The following RPS6KC1 variants were observed in gnomAD, a reference collection of about 807,000 sequenced individuals.
RPS6KC1 encodes the protein inactive ribosomal protein S6 kinase delta-1.
Under a neutral mutation model 103.8 loss-of-function variants are expected in RPS6KC1, and 54 were observed. That is an observed-to-expected ratio of 0.52 (90% CI 0.42 to 0.65). The LOEUF (loss-of-function observed/expected upper bound fraction) is 0.65. Among genes scored for constraint, RPS6KC1 ranks in the 30% least tolerant of loss-of-function variants. The pLI, the probability that RPS6KC1 is intolerant of heterozygous loss-of-function variation, is 0.00. For synonymous variants in RPS6KC1, 439 were observed against 438.7 expected (o/e 1.00, Z -0.01); for missense variants, 1,151 against 1,253.8 (o/e 0.92, Z 1.24).
the RPS6KC1 span, among the ~76,000 whole-genome samples, chr1:213,384,299 T>TATAA: frequency 1.6e-3 from 247 of 151,488 alleles, 1 homozygote; most frequent in South Asian, 0.012. Context: ...TATATATATA[T>TATAA]AAATCTCAGC....
chr1:213,789,231 T>G, the RPS6KC1 span, among the ~76,000 whole-genome samples: 1 of 152,230 alleles, frequency 6.6e-6, no homozygotes, highest in Non-Finnish European at 1.5e-5. Flanking sequence ...CTTTCTTCTC[T>G]TCTAGACAGT....
the RPS6KC1 span, among the ~76,000 whole-genome samples, chr1:213,378,162 C>G: frequency 6.6e-6 from 1 of 152,224 alleles, no homozygotes; most frequent in African/African-American, 2.4e-5. Flanking sequence ...ACCAGACAAC[C>G]ACAACTGTGA....
At chr1:213,702,154 T>A in the RPS6KC1 span, among the ~76,000 whole-genome samples, 574 of 152,102 alleles carry the variant, frequency 3.8e-3, 2 homozygotes, top group South Asian at 0.016. Flanking sequence ...AATTTTCTTT[T>A]TAATTTTTTT....
chr1:213,115,469 T>G (rs1452115606), intron 4 of RPS6KC1, among the ~76,000 whole-genome samples: 1 of 151,980 alleles, frequency 6.6e-6, no homozygotes, highest in East Asian at 1.9e-4. Context: ...TCTTGCTAGC[T>G]GTCTATCAGT....
chr1:213,847,505 TGTCAAATATC>T, the RPS6KC1 span, among the ~76,000 whole-genome samples: 1 of 152,174 alleles, frequency 6.6e-6, no homozygotes, highest in Non-Finnish European at 1.5e-5. Context: ...TGAAAGTCCT[TGTCAAATATC>T]TGTGAGGTCT....
chr1:213,504,266 TAG>T, the RPS6KC1 span, among the ~76,000 whole-genome samples: 494 of 152,080 alleles, frequency 3.2e-3, no homozygotes, highest in African/African-American at 0.011. Flanking sequence ...CTTTCTCAAA[TAG>T]AGTTTTGTTT....
the RPS6KC1 span, among the ~76,000 whole-genome samples, chr1:213,525,753 A>G: frequency 1.6e-3 from 244 of 152,314 alleles, 1 homozygote; most frequent in Non-Finnish European, 2.4e-3. Context: ...TGGCAAATAC[A>G]GGGCTGATGT....
At chr1:213,132,737 A>G (rs1394367038) in intron 6 of RPS6KC1, among the ~76,000 whole-genome samples, 7 of 152,178 alleles carry the variant, frequency 4.6e-5, no homozygotes, top group Non-Finnish European at 7.4e-5. Context: ...TGTTCTTGTG[A>G]CCTTTATTGG....
the RPS6KC1 span, among the ~76,000 whole-genome samples, chr1:213,336,169 C>T: frequency 2.6e-5 from 4 of 152,226 alleles, no homozygotes; most frequent in South Asian, 2.1e-4. Context: ...CTTCTAATAA[C>T]GAAATTCAAT....
the RPS6KC1 span, among the ~76,000 whole-genome samples, chr1:213,495,555 A>C: frequency 0.22 from 33,553 of 152,148 alleles, 4,470 homozygotes; most frequent in Middle Eastern, 0.33. Flanking sequence ...CTCCTGACTC[A>C]GGTGATCTGC....
At chr1:213,261,088 C>T (rs2094783098) in intron 12 of RPS6KC1, among the ~76,000 whole-genome samples, 2 of 152,186 alleles carry the variant, frequency 1.3e-5, no homozygotes, top group African/African-American at 4.8e-5. Flanking sequence ...TACAATGTGA[C>T]ATTGGACAAG....
At chr1:213,169,347 A>G (rs555675541) in intron 7 of RPS6KC1, among the ~76,000 whole-genome samples, 19 of 152,330 alleles carry the variant, frequency 1.2e-4, no homozygotes, top group African/African-American at 4.1e-4. Flanking sequence ...TTGTGTTTCA[A>G]CTTGCAAGCC....
At chr1:213,253,055 ATAGTT>A (rs1438704745) in intron 12 of RPS6KC1, among the ~76,000 whole-genome samples, 2 of 152,224 alleles carry the variant, frequency 1.3e-5, no homozygotes, top group African/African-American at 4.8e-5. Context: ...GTTAAGAAAA[ATAGTT>A]TAGGAGTTCT....
intron 8 of RPS6KC1, among the ~76,000 whole-genome samples, chr1:213,223,076 T>A (rs1057416751): frequency 1.3e-5 from 2 of 152,092 alleles, no homozygotes; most frequent in African/African-American, 4.8e-5. Flanking sequence ...CTTTCTGTTG[T>A]CATTATTTAT....
chr1:213,832,099 C>T, the RPS6KC1 span, among the ~76,000 whole-genome samples: 3 of 152,196 alleles, frequency 2.0e-5, no homozygotes, highest in Non-Finnish European at 2.9e-5. Context: ...TCTTCATAGT[C>T]AAAAATTATC....
the RPS6KC1 span, among the ~76,000 whole-genome samples, chr1:213,506,472 TAACA>T: frequency 6.6e-6 from 1 of 152,206 alleles, no homozygotes; most frequent in Admixed American, 6.5e-5. Flanking sequence ...TGACATTAAA[TAACA>T]ATCATTGAAA....
chr1:213,534,538 C>G, the RPS6KC1 span, among the ~76,000 whole-genome samples: 1 of 152,336 alleles, frequency 6.6e-6, no homozygotes, highest in East Asian at 1.9e-4. Flanking sequence ...CCTTCAACCA[C>G]TGCTCTTCTG....
intron 1 of RPS6KC1, among the ~76,000 whole-genome samples, chr1:213,069,484 G>T (rs972423507): frequency 6.6e-6 from 1 of 152,154 alleles, no homozygotes; most frequent in African/African-American, 2.4e-5. Flanking sequence ...GATCAAACCT[G>T]TAAGAGGAAC....
At chr1:213,615,361 CTTG>C in the RPS6KC1 span, among the ~76,000 whole-genome samples, 1 of 152,234 alleles carries the variant, frequency 6.6e-6, no homozygotes, top group Non-Finnish European at 1.5e-5. Flanking sequence ...GGCCAATGTC[CTTG>C]TTATGTGGAT....
Sources: gnomAD v4.1 joint callset for allele counts (sites outside exome capture counted in the v4.1 genomes callset) on GRCh38, gnomAD v4.1.1 for gene constraint, MANE v1.5 for transcripts, NCBI Gene and HGNC (gene_info 2026-07-23, HGNC 2026-07-21) for gene names.